KIF18A: variants seen among roughly 807,000 people sequenced by gnomAD.
The protein encoded by KIF18A is kinesin-like protein KIF18A.
In KIF18A, 67 loss-of-function variants were observed where a neutral mutation model predicts 103.3. That is an observed-to-expected ratio of 0.65 (90% CI 0.53 to 0.79). KIF18A has a LOEUF of 0.79. Ranked by LOEUF, KIF18A falls within the 30% of genes least tolerant of loss-of-function variation. The pLI is 0.00. For synonymous variants in KIF18A, 367 were observed against 355.5 expected, an observed-to-expected ratio of 1.03 and a Z score of -0.36; for missense variants, 1,032 against 1,062.5, an observed-to-expected ratio of 0.97 and a Z score of 0.40.
chr11:28,025,495 C>T (rs531840394), intron 15 of KIF18A, among the ~76,000 whole-genome samples: 81 of 151,844 alleles, frequency 5.3e-4, no homozygotes, highest in Admixed American at 1.2e-3. Flanking sequence ...ATGGCTAGTT[C>T]CAGGACCCTA....
intron 3 of KIF18A, among the ~76,000 whole-genome samples, chr11:28,094,042 A>T (rs1003766378): frequency 9.9e-5 from 15 of 152,192 alleles, no homozygotes; most frequent in African/African-American, 3.6e-4. Flanking sequence ...TAAGAAGTGA[A>T]CATCACTTTG....
chr11:28,081,931 A>G (rs544407966), intron 9 of KIF18A, among the ~76,000 whole-genome samples: 4 of 152,228 alleles, frequency 2.6e-5, no homozygotes, highest in Admixed American at 6.5e-5. Context: ...GTAGATTCCA[A>G]TCCTCATGGA....
intron 13 of KIF18A, among the ~76,000 whole-genome samples, chr11:28,054,401 G>C (rs1403516101): frequency 1.3e-5 from 2 of 152,108 alleles, no homozygotes; most frequent in Admixed American, 1.3e-4. Flanking sequence ...TGTAGAGACA[G>C]GGTTTCGCCC....
In KIF18A at chr11:28,075,655, G is replaced by A. The variant is rs143040020; in HGVS notation, c.1425+1352C>T. On this transcript the variant is annotated intron_variant, in intron 10 of 16. Transcript: ENST00000263181. Reference sequence around the variant, plus strand: ...TAGTATCTAAAGATTTGGGAGTTCTGTCATATTTGCTAAGAGTACTGAATC... The same window carrying A: ...TAGTATCTAAAGATTTGGGAGTTCTATCATATTTGCTAAGAGTACTGAATC... 2.3e-4 allele frequency among the ~76,000 whole-genome samples: 35 copies of A among 152,040 alleles called. No homozygotes were observed. The South Asian group carries it at 2.7e-3, about 12-fold the overall frequency.
Position 28,080,348 on chromosome 11 carries a change from G to GTT in KIF18A, c.1262+2506_1262+2507dup, listed in dbSNP as rs34970405. ...TGTTTTATTGTGCTTTGCAGACACT[G>GTT]TTTTTTTTTTTTTTTTTTAAACAAA... On this transcript the variant is annotated intron_variant, in intron 9 of 16. Transcript: ENST00000263181. 4.0e-3 allele frequency among the ~76,000 whole-genome samples: 550 copies of GTT among 138,080 alleles called. 1 individual carries two copies. Among genetic ancestry groups the GTT allele is most frequent in the African/African-American group, 4.4e-3 (164 of 37,052 alleles). 90.6% of individuals were successfully genotyped at this position (138,080 alleles called of 152,430 possible).
intron 2 of KIF18A, 89 bp downstream of exon 2, chr11:28,097,534 G>A: frequency 1.2e-6 from 1 of 848,966 alleles, no homozygotes; most frequent in East Asian, 2.4e-5. Context: ...CCTTAAATTT[G>A]ATTATATTTA....
rs2133496388 is a variant in KIF18A, at chr11:28,036,323, C to T, written c.2290G>A (p.Glu764Lys). ...ATAGTAAATGTAGAGTCCAAGTCCT[C>T]CTGTCCACATTCTTTTCTTCTATTA... ...PHNRRKECGQ[E>K]DLDSTFTICE... The change falls in exon 14 of 17, where the codon GAG becomes AAG. Residue 764 changes from glutamate to lysine, a missense_variant. Coordinates refer to ENST00000263181, the MANE Select transcript of KIF18A (RefSeq NM_031217.4). 2 of 1,610,674 alleles carry T rather than the reference C, an allele frequency of 1.2e-6. No homozygotes were observed. The highest frequency in any genetic ancestry group is 2.2e-5 in the East Asian group (1 of 44,768).
intron 15 of KIF18A, among the ~76,000 whole-genome samples, chr11:28,028,442 G>T (rs546343554): frequency 1.3e-5 from 2 of 152,030 alleles, no homozygotes; most frequent in African/African-American, 2.4e-5. Context: ...GGTACATAAC[G>T]AAATGAAGGC....
At chr11:28,024,195 A>AAAAC (rs1850283531) in intron 15 of KIF18A, among the ~76,000 whole-genome samples, 1 of 150,642 alleles carries the variant, frequency 6.6e-6, no homozygotes, top group Non-Finnish European at 1.5e-5. Flanking sequence ...AGAGGTTAAA[A>AAAAC]AAAAAAAAAA....
chr11:28,087,295 A>C (rs547935078), intron 6 of KIF18A, among the ~76,000 whole-genome samples: 1 of 151,714 alleles, frequency 6.6e-6, no homozygotes, highest in East Asian at 1.9e-4. Flanking sequence ...ATGTGTTCTC[A>C]TTGTTCAACT....
chr11:28,040,193 T>G (rs1850540949), intron 13 of KIF18A, among the ~76,000 whole-genome samples: 1 of 151,660 alleles, frequency 6.6e-6, no homozygotes, highest in Non-Finnish European at 1.5e-5. Context: ...TTTAGCTAAG[T>G]TAGGTAATAA....
chr11:28,084,586 T>C, intron 7 of KIF18A, 46 bp downstream of exon 7: 3 of 1,390,478 alleles, frequency 2.2e-6, no homozygotes, highest in Non-Finnish European at 2.0e-6. Flanking sequence ...ATAAAAATCA[T>C]ATGCAGACAA....
chr11:28,092,866 C>T (rs1851323439), intron 3 of KIF18A, among the ~76,000 whole-genome samples: 1 of 152,146 alleles, frequency 6.6e-6, no homozygotes, highest in Non-Finnish European at 1.5e-5. Context: ...TGATGAGCAG[C>T]AGTCACTTTA....
intron 13 of KIF18A, chr11:28,057,058 A>G (rs1212604659): frequency 5.5e-6 from 1 of 181,588 alleles, no homozygotes; most frequent in Non-Finnish European, 1.2e-5. Context: ...GCACCAAATG[A>G]ACAAAGAGTT....
chr11:28,043,334 A>T (rs1850584919), intron 13 of KIF18A, among the ~76,000 whole-genome samples: 1 of 151,992 alleles, frequency 6.6e-6, no homozygotes, highest in Admixed American at 6.6e-5. Flanking sequence ...CTGTTGGATC[A>T]GTGGACAGGA....
intron 13 of KIF18A, chr11:28,057,035 A>AT (rs1461642272): frequency 5.0e-6 from 1 of 199,138 alleles, no homozygotes; most frequent in East Asian, 1.7e-4. Flanking sequence ...CAACATATAT[A>AT]TAAAAAAAAG....
At chr11:28,050,685 G>A (rs1303352596) in intron 13 of KIF18A, among the ~76,000 whole-genome samples, 1 of 151,690 alleles carries the variant, frequency 6.6e-6, no homozygotes, top group Admixed American at 6.6e-5. Context: ...AGGAAATCTT[G>A]ACTTTTCATT....
chr11:28,098,761 A>C (rs1446351754), intron 1 of KIF18A, among the ~76,000 whole-genome samples: 1 of 152,182 alleles, frequency 6.6e-6, no homozygotes, highest in Non-Finnish European at 1.5e-5. Context: ...CATGCAAAGA[A>C]GAAAAGTAAA....
At chr11:28,047,542 T>C (rs1850653066) in intron 13 of KIF18A, among the ~76,000 whole-genome samples, 1 of 152,166 alleles carries the variant, frequency 6.6e-6, no homozygotes. Context: ...TTAGTGTTTA[T>C]TTAAACTTCA....
Sources: allele counts gnomAD v4.1 joint callset (sites outside exome capture counted in the v4.1 genomes callset), GRCh38; gene constraint gnomAD v4.1.1; transcripts MANE v1.5; gene names NCBI Gene and HGNC (gene_info 2026-07-23, HGNC 2026-07-21).